Variants in CDYL2 observed in about 807,000 individuals in gnomAD.
CDYL2 encodes the protein chromodomain Y-like protein 2.
Under a neutral mutation model 49.4 loss-of-function variants are expected in CDYL2, and 23 were observed. The observed-to-expected ratio is 0.47, with a 90% confidence interval of 0.34 to 0.66. CDYL2 has a LOEUF of 0.66. CDYL2 is among the 30% of genes least tolerant of loss of function. CDYL2 has a pLI of 0.01. For missense variants in CDYL2, 678 were observed against 656.4 expected, an observed-to-expected ratio of 1.03 and a Z score of -0.36; for synonymous variants, 360 against 268.8, an observed-to-expected ratio of 1.34 and a Z score of -3.32.
intron 6 of CDYL2, among the ~76,000 whole-genome samples, chr16:80,607,669 G>A (rs772898146): frequency 1.3e-4 from 20 of 152,270 alleles, no homozygotes; most frequent in Non-Finnish European, 1.9e-4. Context: ...CGAGCAGTCG[G>A]TGGAGAAAAC....
At chr16:80,803,361 G>A (rs192357487) in intron 1 of CDYL2, among the ~76,000 whole-genome samples, 1 of 152,138 alleles carries the variant, frequency 6.6e-6, no homozygotes, top group Non-Finnish European at 1.5e-5. Context: ...TGGGCGCTGG[G>A]CTGGCATCTG....
chr16:80,779,252 T>C (rs1907187412), intron 1 of CDYL2, among the ~76,000 whole-genome samples: 1 of 152,108 alleles, frequency 6.6e-6, no homozygotes, highest in African/African-American at 2.4e-5. Context: ...AATAAGTATT[T>C]TTGTTAATGT....
At chr16:80,629,144 G>A (rs1022316996) in intron 3 of CDYL2, among the ~76,000 whole-genome samples, 6 of 152,264 alleles carry the variant, frequency 3.9e-5, no homozygotes, top group African/African-American at 1.4e-4. Context: ...GTAATCAGGA[G>A]CCATCGACAC....
chr16:80,673,375 T>G (rs777024962), intron 2 of CDYL2, among the ~76,000 whole-genome samples: 1 of 152,170 alleles, frequency 6.6e-6, no homozygotes, highest in African/African-American at 2.4e-5. Flanking sequence ...TAAGTCAACT[T>G]CAACACTTTC....
At chr16:80,674,425 TCC>T (rs1909658481) in intron 2 of CDYL2, among the ~76,000 whole-genome samples, 1 of 109,366 alleles carries the variant, frequency 9.1e-6, no homozygotes, top group Admixed American at 8.4e-5. Context: ...CTTTTTCTTC[TCC>T]TTTTTTTTAA....
At chr16:80,709,624 T>G (rs1200259478) in intron 1 of CDYL2, among the ~76,000 whole-genome samples, 3 of 150,482 alleles carry the variant, frequency 2.0e-5, no homozygotes, top group Admixed American at 6.6e-5. Flanking sequence ...GCTCCCCCAG[T>G]TCACCAAGCG....
At chr16:80,606,378 C>A (rs1001684883) in intron 6 of CDYL2, among the ~76,000 whole-genome samples, 1 of 152,228 alleles carries the variant, frequency 6.6e-6, no homozygotes, top group African/African-American at 2.4e-5. Flanking sequence ...AGGTGTCCTT[C>A]AACACTTGGT....
rs570136566 is a variant in CDYL2 at position 80,753,703 on chromosome 16, C to T, written c.24+50447G>A. Among the ~76,000 whole-genome samples, 25 of 152,266 alleles carry T rather than the reference C, an allele frequency of 1.6e-4. No homozygotes were observed. In the South Asian group the frequency reaches 3.3e-3, roughly 20 times the overall value. On this transcript the variant is annotated intron_variant, in intron 1 of 6. Transcript: ENST00000570137. ...TCCAGAAGGTAACATGGCAAAGTGC[C>T]TTCATGACCTTCAGATAGAAAATCT...
intron 1 of CDYL2, among the ~76,000 whole-genome samples, chr16:80,751,071 C>T (rs987215369): frequency 2.0e-5 from 3 of 152,132 alleles, no homozygotes; most frequent in Admixed American, 2.0e-4. Context: ...AGCTGCTCAA[C>T]TCATTTTACA....
At chr16:80,608,361 C>A in intron 5 of CDYL2, 126 bp from the exon 6 acceptor site, 2 of 1,070,870 alleles carry the variant, frequency 1.9e-6, no homozygotes, top group Non-Finnish European at 2.6e-6. Context: ...AGATCCTTAT[C>A]TTATTTTGGG....
chr16:80,728,685 G>C (rs573213495), intron 1 of CDYL2, among the ~76,000 whole-genome samples: 2 of 152,178 alleles, frequency 1.3e-5, no homozygotes, highest in South Asian at 4.2e-4. Context: ...AAATGTTAAG[G>C]GCAGCCAGAG....
intron 2 of CDYL2, among the ~76,000 whole-genome samples, chr16:80,655,696 A>G (rs1177970825): frequency 3.9e-5 from 6 of 152,162 alleles, no homozygotes; most frequent in Non-Finnish European, 5.9e-5. Context: ...AGAAAGATGC[A>G]ACACCTCTGA....
At chr16:80,701,016 T>A (rs762235094) in intron 1 of CDYL2, among the ~76,000 whole-genome samples, 35 of 152,218 alleles carry the variant, frequency 2.3e-4, no homozygotes, top group Admixed American at 3.9e-4. Context: ...CTAAACACTG[T>A]TGGACAGGTA....
At chr16:80,804,655 G>T (rs1908046035), upstream of CDYL2, among the ~76,000 whole-genome samples, 1 of 145,650 alleles carries the variant, frequency 6.9e-6, no homozygotes, top group Non-Finnish European at 1.5e-5. Context: ...GGAGGCGGGG[G>T]CTGCTGCCCG....
In CDYL2 at chr16:80,804,247, T is replaced by C. The variant is rs906594494; in HGVS notation, c.-74A>G. The C allele has an allele frequency of 5.5e-6, 7 of 1,279,398 alleles. No homozygotes were observed. In the Admixed American group the frequency reaches 1.1e-4, roughly 21 times the overall value. 79.3% of individuals were successfully genotyped at this position (1,279,398 alleles called of 1,614,324 possible). A position where few individuals can be genotyped will look rare whatever the true frequency, so the allele number is the denominator to read the frequency against. ...GCCCTCCGTGCGTGTGCGCGCGGGG[T>C]CCGGTGTGCGCGTGTGTGTGCGCGC... is the stretch of plus-strand genomic sequence containing the variant. On this transcript the variant is annotated 5_prime_UTR_variant, in exon 1 of 7. Transcript: ENST00000570137.
At chr16:80,769,047 TGGAATAGAATGGCCTTC>T (rs1906820151) in intron 1 of CDYL2, among the ~76,000 whole-genome samples, 1 of 152,188 alleles carries the variant, frequency 6.6e-6, no homozygotes, top group Non-Finnish European at 1.5e-5. Context: ...CTTCCTAGTA[TGGAATAGAATGGCCTTC>T]ATCAAGCAGG....
At position 80,600,583 on chromosome 16, in the gene CDYL2, C is replaced by A. The variant is rs540363965; in HGVS notation, c.*3805G>T. 20 of 152,224 alleles carry A rather than the reference C, an allele frequency of 1.3e-4. No individual in the cohort carries two copies. Among genetic ancestry groups the A allele is most frequent in the African/African-American group, 4.8e-4 (20 of 41,540 alleles). 9.4% of individuals were successfully genotyped at this position (152,224 alleles called of 1,614,324 possible). A position where few individuals can be genotyped will look rare whatever the true frequency, so the allele number is the denominator to read the frequency against. ...GAAATCTCATTTAGAGTCTTAAATA[C>A]TGTGTATATTAGTGAGAGTGTCTAA... On this transcript the variant is annotated 3_prime_UTR_variant, in exon 7 of 7. Transcript: ENST00000570137.
At chr16:80,674,412 CTTCT>C (rs1349981601) in intron 2 of CDYL2, among the ~76,000 whole-genome samples, 1 of 138,210 alleles carries the variant, frequency 7.2e-6, no homozygotes, top group Admixed American at 7.3e-5. Context: ...TACTTGCTAG[CTTCT>C]TTTTCTTCTC....
At chr16:80,804,776 G>T (rs1319644398), upstream of CDYL2, among the ~76,000 whole-genome samples, 2 of 150,366 alleles carry the variant, frequency 1.3e-5, no homozygotes, top group African/African-American at 4.9e-5. Flanking sequence ...GGCGGGCCAG[G>T]TGCCCGCCGG....
Sources: gnomAD v4.1 joint callset for allele counts (sites outside exome capture counted in the v4.1 genomes callset) on GRCh38, gnomAD v4.1.1 for gene constraint, MANE v1.5 for transcripts, NCBI Gene and HGNC (gene_info 2026-07-23, HGNC 2026-07-21) for gene names.